Variants in KLC1 observed in about 807,000 individuals in gnomAD.
The protein encoded by KLC1 is kinesin light chain 1.
KLC1 carries 30 observed loss-of-function variants against 84.2 expected under a neutral mutation model. The ratio of observed to expected loss-of-function variants is 0.36; its 90% confidence interval spans 0.27 to 0.48. The LOEUF is 0.48. Among genes scored for constraint, KLC1 ranks in the 20% least tolerant of loss-of-function variants. KLC1 has a pLI of 0.99. For missense variants in KLC1, 499 were observed against 805.4 expected, an observed-to-expected ratio of 0.62 and a Z score of 4.60; for synonymous variants, 289 against 293.3, an observed-to-expected ratio of 0.99 and a Z score of 0.15.
intron 5 of KLC1, among the ~76,000 whole-genome samples, chr14:103,666,029 T>C (rs1187684301): frequency 6.6e-6 from 1 of 152,244 alleles, no homozygotes; most frequent in Admixed American, 6.5e-5. Context: ...TTTAGTATTC[T>C]ATGTTTGTTT....
intron 12 of KLC1, 60 bp downstream of exon 12, chr14:103,677,583 T>C: frequency 1.1e-6 from 1 of 936,806 alleles, no homozygotes. Flanking sequence ...TGCTTCTCTT[T>C]TACATGAATT....
At chr14:103,657,306 CA>C (rs1213794318) in intron 2 of KLC1, among the ~76,000 whole-genome samples, 8 of 151,968 alleles carry the variant, frequency 5.3e-5, no homozygotes, top group South Asian at 2.1e-4. Flanking sequence ...GCATGCTCTT[CA>C]AAAAAATAAG....
chr14:103,631,301 T>C (rs1316153455), intron 1 of KLC1, among the ~76,000 whole-genome samples: 1 of 152,078 alleles, frequency 6.6e-6, no homozygotes, highest in Admixed American at 6.6e-5. Flanking sequence ...AGGTTGGTCT[T>C]GATCTCCTGA....
In KLC1 at chr14:103,662,201, G is replaced by C; in HGVS notation, c.571+7G>C. The C allele has an allele frequency of 6.2e-7, 1 of 1,602,312 alleles. No individual in the cohort carries two copies. On this transcript the variant is annotated splice_region_variant and intron_variant, in intron 4 of 16. Coordinates refer to ENST00000334553, the MANE Select transcript of KLC1 (RefSeq NM_001394837.1). ...GACGACCCAGGGCAAGGAAGTGAGT[G>C]ATGGGTGATGCAGGCATGTTACCGA... is the stretch of plus-strand genomic sequence containing the variant.
chr14:103,674,119 C>G (rs1326483683), intron 9 of KLC1, among the ~76,000 whole-genome samples: 1 of 152,184 alleles, frequency 6.6e-6, no homozygotes, highest in Non-Finnish European at 1.5e-5. Flanking sequence ...CTACCCAATT[C>G]ATGCAGAAAT....
chr14:103,682,458 G>A (rs1013217817), intron 13 of KLC1: 2 of 152,112 alleles, frequency 1.3e-5, no homozygotes, highest in African/African-American at 4.8e-5. Context: ...GCCAAGGCGG[G>A]TGGATCATTT....
chr14:103,672,128 G>C (rs894130442), intron 7 of KLC1, among the ~76,000 whole-genome samples: 1 of 152,206 alleles, frequency 6.6e-6, no homozygotes, highest in African/African-American at 2.4e-5. Context: ...CTGCGGGCCA[G>C]AGCCAGGGGG....
intron 11 of KLC1, among the ~76,000 whole-genome samples, chr14:103,676,194 G>A (rs913658429): frequency 6.6e-6 from 1 of 152,196 alleles, no homozygotes; most frequent in African/African-American, 2.4e-5. Flanking sequence ...TCTTGAGCCC[G>A]AGCCTGTGCA....
chr14:103,647,389 A>G (rs1029497432), intron 1 of KLC1, among the ~76,000 whole-genome samples: 15 of 151,008 alleles, frequency 9.9e-5, no homozygotes, highest in Non-Finnish European at 2.9e-5. Context: ...ACACCCAGCT[A>G]ATTTTTGTAT....
chr14:103,686,050 T>TA, intron 13 of KLC1: 1 of 1,030,542 alleles, frequency 9.7e-7, no homozygotes. Flanking sequence ...CCGTGGTACT[T>TA]AGAGCCCTGG....
At position 103,687,129 on chromosome 14, in the gene KLC1, G is replaced by A; in HGVS notation, c.1699G>A (p.Ala567Thr). 6.5e-7 allele frequency: 1 copy of A among 1,548,140 alleles called. No homozygotes were observed. Among genetic ancestry groups the A allele is most frequent in the South Asian group, 1.2e-5 (1 of 83,888 alleles). Reference protein sequence around the residue: ...KRSGSFSKLRASIRRSSEKLV... With the variant: ...KRSGSFSKLRTSIRRSSEKLV... Reference sequence around the variant, plus strand: ...CAGTGGTTCCTTTAGCAAACTCCGGGCTTCCATTAGACGCAGCAGTGAGAA... The same window carrying A: ...CAGTGGTTCCTTTAGCAAACTCCGGACTTCCATTAGACGCAGCAGTGAGAA... Residue 567 changes from alanine to threonine, a missense_variant, in exon 14 of 17, where the codon GCT (alanine) becomes ACT (threonine). By Grantham distance (58) the Ala-to-Thr change is moderately conservative. This residue lies in a region of KLC1 where 167 missense variants were observed against 208.8 expected (regional missense o/e 0.80). Transcript: ENST00000334553.
intron 11 of KLC1, among the ~76,000 whole-genome samples, chr14:103,676,274 A>T (rs551015892): frequency 2.1e-5 from 3 of 144,302 alleles, no homozygotes; most frequent in African/African-American, 7.6e-5. Context: ...TTTCCACTCT[A>T]TTTTTTTTTT....
At chr14:103,666,353 G>A (rs752387469) in intron 5 of KLC1, among the ~76,000 whole-genome samples, 3 of 151,712 alleles carry the variant, frequency 2.0e-5, no homozygotes, top group Non-Finnish European at 2.9e-5. Context: ...ATGAGCCACC[G>A]TGCCCGGCCC....
chr14:103,680,104 G>A (rs2081225638), intron 13 of KLC1, among the ~76,000 whole-genome samples: 1 of 152,162 alleles, frequency 6.6e-6, no homozygotes, highest in African/African-American at 2.4e-5. Flanking sequence ...TTTGGGGCTG[G>A]CTCTTCCTGG....
chr14:103,638,779 A>G (rs2077248971), intron 1 of KLC1, among the ~76,000 whole-genome samples: 1 of 149,312 alleles, frequency 6.7e-6, no homozygotes, highest in Non-Finnish European at 1.5e-5. Context: ...GTGTGTATGT[A>G]TGAACACAGT....
intron 3 of KLC1, among the ~76,000 whole-genome samples, chr14:103,659,132 CACG>C (rs1361192931): frequency 6.6e-6 from 1 of 151,840 alleles, no homozygotes; most frequent in African/African-American, 2.4e-5. Context: ...TGCGTACCGC[CACG>C]ACTGGCTAAT....
In KLC1 at chr14:103,698,956, T is replaced by C; in HGVS notation, c.1849-1699T>C. 1.2e-6 allele frequency: 2 copies of C among 1,601,182 alleles called. No individual in the cohort carries two copies. The highest frequency in any genetic ancestry group is 1.7e-6 in the Non-Finnish European group (2 of 1,174,120). On this transcript the variant is annotated intron_variant, in intron 15 of 16. Transcript: ENST00000334553. ...TCGCGGAGCCGGTCAGCCAGCAGTCTCACCAGGAGCTGGTTAGCCCAGGTT... is the reference window on the plus strand; with the variant it reads ...TCGCGGAGCCGGTCAGCCAGCAGTCCCACCAGGAGCTGGTTAGCCCAGGTT...
intron 1 of KLC1, among the ~76,000 whole-genome samples, chr14:103,651,370 T>C (rs2078428081): frequency 6.6e-6 from 1 of 150,674 alleles, no homozygotes; most frequent in South Asian, 2.1e-4. Flanking sequence ...GACTTTTGCC[T>C]GTATTTCCTT....
intron 13 of KLC1, chr14:103,686,282 G>A (rs1243685207): frequency 7.5e-6 from 7 of 939,504 alleles, no homozygotes; most frequent in African/African-American, 1.8e-5. Context: ...TCCATGAAAC[G>A]CCGCATGGCA....
Sources: allele counts gnomAD v4.1 joint callset (sites outside exome capture counted in the v4.1 genomes callset), GRCh38; gene constraint gnomAD v4.1.1; regional missense constraint gnomAD v4.1.1; transcripts MANE v1.5; gene names NCBI Gene and HGNC (gene_info 2026-07-23, HGNC 2026-07-21).